Variants in ACTR3B observed in about 807,000 individuals in gnomAD.
The protein encoded by ACTR3B is actin related protein 3B.
A neutral mutation model predicts 59.0 loss-of-function variants in ACTR3B; 8 were observed. That is an observed-to-expected ratio of 0.14 (90% CI 0.08 to 0.24). The LOEUF (loss-of-function observed/expected upper bound fraction) is 0.24, where lower values mean the gene tolerates loss of function less well. Among genes scored for constraint, ACTR3B ranks in the 10% least tolerant of loss-of-function variants. ACTR3B has a pLI of 1.00. For synonymous variants in ACTR3B, 148 were observed against 197.9 expected (o/e 0.75, Z 2.12); for missense variants, 245 against 552.3 (o/e 0.44, Z 5.58).
At chr7:152,780,569 T>C (rs2689486) in intron 1 of ACTR3B, among the ~76,000 whole-genome samples, 288 of 150,644 alleles carry the variant, frequency 1.9e-3, no homozygotes, top group African/African-American at 2.7e-3. Context: ...AATTTTAGAG[T>C]TGTGAGCCTA....
chr7:152,789,995 TTC>T (rs1432068970), intron 2 of ACTR3B, among the ~76,000 whole-genome samples: 4 of 149,138 alleles, frequency 2.7e-5, no homozygotes, highest in African/African-American at 5.1e-5. Context: ...TTTGTACTCT[TTC>T]TTTTTTTTTT....
intron 1 of ACTR3B, among the ~76,000 whole-genome samples, chr7:152,782,911 AG>A (rs2098159158): frequency 6.6e-6 from 1 of 152,182 alleles, no homozygotes; most frequent in Non-Finnish European, 1.5e-5. Flanking sequence ...TAAAGTTATT[AG>A]GGATGCATAA....
At chr7:152,777,941 C>A in intron 1 of ACTR3B, among the ~76,000 whole-genome samples, 1 of 145,542 alleles carries the variant, frequency 6.9e-6, no homozygotes, top group East Asian at 1.9e-4. Context: ...CAGAGCAAGA[C>A]TCCGTCTCAA....
chr7:152,807,681 G>T (rs989381798), intron 4 of ACTR3B, among the ~76,000 whole-genome samples: 4 of 152,120 alleles, frequency 2.6e-5, no homozygotes, highest in African/African-American at 9.7e-5. Context: ...TCATTTAATG[G>T]ATTAAAATTT....
In ACTR3B at chr7:152,777,015, C is replaced by T. The variant is rs191183488; in HGVS notation, c.45-6172C>T. Reference sequence around the variant, plus strand: ...TGGTTTTGCTATTATAGTGCTTCACCGAACATTTTTGTGTGTGTATATCTT... The same window carrying T: ...TGGTTTTGCTATTATAGTGCTTCACTGAACATTTTTGTGTGTGTATATCTT... On this transcript the variant is annotated intron_variant, in intron 1 of 11. Transcript: ENST00000256001. Among the ~76,000 whole-genome samples the T allele has an allele frequency of 5.8e-4, 88 of 152,018 alleles. No individual in the cohort carries two copies. In the East Asian group the frequency reaches 6.8e-3, roughly 12 times the overall value.
chr7:152,837,692 A>G (rs1010800310), intron 9 of ACTR3B, among the ~76,000 whole-genome samples: 3 of 152,268 alleles, frequency 2.0e-5, no homozygotes, highest in Non-Finnish European at 4.4e-5. Flanking sequence ...ACTCTCAACC[A>G]TGTCATTTTC....
chr7:152,845,245 A>T (rs186609071), intron 9 of ACTR3B, among the ~76,000 whole-genome samples: 1 of 151,968 alleles, frequency 6.6e-6, no homozygotes, highest in African/African-American at 2.4e-5. Flanking sequence ...TAGTGTTTTC[A>T]TTTTTTGCCC....
chr7:152,826,629 A>C (rs1269590328), intron 9 of ACTR3B, among the ~76,000 whole-genome samples: 1 of 152,114 alleles, frequency 6.6e-6, no homozygotes, highest in Non-Finnish European at 1.5e-5. Context: ...TCTCCTCATC[A>C]GTGAAAGCAG....
chr7:152,768,035 A>G (rs2098115144), intron 1 of ACTR3B, among the ~76,000 whole-genome samples: 1 of 152,248 alleles, frequency 6.6e-6, no homozygotes, highest in African/African-American at 2.4e-5. Context: ...AGCTTGGCCA[A>G]CATGGCAAAA....
intron 2 of ACTR3B, among the ~76,000 whole-genome samples, chr7:152,795,896 T>C (rs570653853): frequency 6.6e-6 from 1 of 150,856 alleles, no homozygotes; most frequent in Non-Finnish European, 1.5e-5. Context: ...CAGGCTGGAG[T>C]GCAGTGGCGC....
chr7:152,778,805 T>TG (rs2116584326), intron 1 of ACTR3B, among the ~76,000 whole-genome samples: 1 of 150,492 alleles, frequency 6.6e-6, no homozygotes, highest in East Asian at 2.0e-4. Context: ...TAGCCGGGTG[T>TG]GATGGCCTGT....
At chr7:152,767,796 G>T (rs2098114593) in intron 1 of ACTR3B, among the ~76,000 whole-genome samples, 1 of 151,834 alleles carries the variant, frequency 6.6e-6, no homozygotes, top group African/African-American at 2.4e-5. Context: ...AAGATTGTTA[G>T]TTTTTTCATT....
rs553975064 is a variant in ACTR3B, at chr7:152,814,660, G to A, written c.432+15G>A. On this transcript the variant is annotated intron_variant, in intron 5 of 11. Transcript: ENST00000256001. ...TTGCAGTTCAGGTAAAACCAGTTAC[G>A]TTTGTGATTCCTAAAGCACCTGAGC... is the stretch of plus-strand genomic sequence containing the variant. The A allele has an allele frequency of 2.4e-5, 39 of 1,603,478 alleles. No individual in the cohort carries two copies. The highest frequency in any genetic ancestry group is 3.2e-5 in the Non-Finnish European group (38 of 1,171,072).
intron 4 of ACTR3B, among the ~76,000 whole-genome samples, chr7:152,810,003 A>C (rs2098264874): frequency 6.6e-6 from 1 of 152,168 alleles, no homozygotes; most frequent in Admixed American, 6.5e-5. Context: ...TGTAATGTTA[A>C]CTATATTCAC....
intron 1 of ACTR3B, among the ~76,000 whole-genome samples, chr7:152,763,842 C>T (rs1439126749): frequency 1.3e-5 from 2 of 152,142 alleles, no homozygotes; most frequent in Non-Finnish European, 2.9e-5. Flanking sequence ...AAGAACTTAT[C>T]CATAGGCCTC....
chr7:152,760,506 T>A (rs923113475), intron 1 of ACTR3B, among the ~76,000 whole-genome samples: 11 of 152,196 alleles, frequency 7.2e-5, no homozygotes, highest in Non-Finnish European at 1.0e-4. Flanking sequence ...GATACCATTT[T>A]TACTGCCCTC....
intron 2 of ACTR3B, chr7:152,786,421 C>T (rs575425845): frequency 5.4e-4 from 123 of 226,982 alleles, no homozygotes; most frequent in African/African-American, 2.5e-3. Context: ...GGGATGGTGG[C>T]GGGTGCCTGT....
intron 9 of ACTR3B, among the ~76,000 whole-genome samples, chr7:152,837,570 G>A (rs1797566030): frequency 1.3e-5 from 2 of 152,248 alleles, no homozygotes; most frequent in South Asian, 4.1e-4. Flanking sequence ...GAAAATGAGT[G>A]GGGACAGTCT....
intron 1 of ACTR3B, among the ~76,000 whole-genome samples, chr7:152,771,783 C>T (rs1159206940): frequency 2.0e-5 from 3 of 152,200 alleles, no homozygotes; most frequent in Non-Finnish European, 4.4e-5. Context: ...ATTTATAAAA[C>T]CTGAAAGATA....
Sources: gnomAD v4.1 joint callset for allele counts (sites outside exome capture counted in the v4.1 genomes callset) on GRCh38, gnomAD v4.1.1 for gene constraint, MANE v1.5 for transcripts, NCBI Gene and HGNC (gene_info 2026-07-23, HGNC 2026-07-21) for gene names.